The following MAGI2 variants were observed in gnomAD, a reference collection of about 807,000 sequenced individuals.
MAGI2 encodes the protein membrane-associated guanylate kinase, WW and PDZ domain-containing protein 2.
Under a neutral mutation model 133.3 loss-of-function variants are expected in MAGI2, and 35 were observed. That is an observed-to-expected ratio of 0.26 (90% CI 0.20 to 0.35). The LOEUF is 0.35. MAGI2 is among the 10% of genes least tolerant of loss of function. The pLI, the probability that MAGI2 is intolerant of heterozygous loss-of-function variation, is 1.00. For synonymous variants in MAGI2, 729 were observed against 710.6 expected, an observed-to-expected ratio of 1.03 and a Z score of -0.41; for missense variants, 1,636 against 1,863.4, an observed-to-expected ratio of 0.88 and a Z score of 2.25.
At chr7:79,027,761 C>T (rs1033196152) in intron 1 of MAGI2, among the ~76,000 whole-genome samples, 15 of 151,914 alleles carry the variant, frequency 9.9e-5, no homozygotes, top group African/African-American at 3.6e-4. Flanking sequence ...ATTAATAAAT[C>T]ATAGCATCAT....
At chr7:79,108,507 G>C (rs1266328365) in intron 1 of MAGI2, among the ~76,000 whole-genome samples, 1 of 152,166 alleles carries the variant, frequency 6.6e-6, no homozygotes, top group East Asian at 1.9e-4. Context: ...TAATAGTTTT[G>C]CCAGTTTGAT....
chr7:79,130,234 T>A (rs1820809940), intron 1 of MAGI2, among the ~76,000 whole-genome samples: 1 of 151,820 alleles, frequency 6.6e-6, no homozygotes, highest in Admixed American at 6.6e-5. Flanking sequence ...GGCGGGAGTG[T>A]AACTTGAGCC....
intron 10 of MAGI2, among the ~76,000 whole-genome samples, chr7:78,234,354 C>T (rs867064031): frequency 3.3e-5 from 5 of 152,008 alleles, no homozygotes; most frequent in African/African-American, 9.7e-5. Flanking sequence ...CCTGGAAATA[C>T]AAAACTGATT....
At chr7:79,417,754 A>C (rs920640588) in intron 1 of MAGI2, among the ~76,000 whole-genome samples, 1 of 150,432 alleles carries the variant, frequency 6.6e-6, no homozygotes, top group African/African-American at 2.5e-5. Flanking sequence ...TATGCACAAA[A>C]AAAAAAAATA....
intron 5 of MAGI2, among the ~76,000 whole-genome samples, chr7:78,498,665 C>T (rs974345852): frequency 5.9e-5 from 9 of 152,058 alleles, no homozygotes; most frequent in Non-Finnish European, 4.4e-5. Flanking sequence ...ATCCACTGCC[C>T]GCTCTGTGAT....
chr7:78,478,480 T>C (rs1792011204), intron 6 of MAGI2, among the ~76,000 whole-genome samples: 1 of 151,902 alleles, frequency 6.6e-6, no homozygotes, highest in Non-Finnish European at 1.5e-5. Context: ...AAAATAATTA[T>C]CTGAAAAATG....
At chr7:79,014,467 CA>C (rs1808488268) in intron 1 of MAGI2, among the ~76,000 whole-genome samples, 1 of 152,094 alleles carries the variant, frequency 6.6e-6, no homozygotes, top group Non-Finnish European at 1.5e-5. Flanking sequence ...ATGGCTAATA[CA>C]GTCTAATAAG....
At chr7:78,090,703 A>C (rs987410908) in intron 20 of MAGI2, among the ~76,000 whole-genome samples, 24 of 152,262 alleles carry the variant, frequency 1.6e-4, no homozygotes, top group Non-Finnish European at 1.9e-4. Context: ...AGGCAAAAAA[A>C]ATGTATTGAG....
At chr7:78,481,403 T>C (rs919586531) in intron 6 of MAGI2, among the ~76,000 whole-genome samples, 1 of 151,946 alleles carries the variant, frequency 6.6e-6, no homozygotes, top group Non-Finnish European at 1.5e-5. Flanking sequence ...TGGGGCAAAC[T>C]GCCCCATAAT....
chr7:78,763,981 G>C (rs1824766069), intron 2 of MAGI2, among the ~76,000 whole-genome samples: 1 of 152,090 alleles, frequency 6.6e-6, no homozygotes, highest in Non-Finnish European at 1.5e-5. Context: ...CCAGACACAG[G>C]GCTGAAACAG....
intron 6 of MAGI2, among the ~76,000 whole-genome samples, chr7:78,449,357 T>C (rs1045115573): frequency 6.6e-6 from 1 of 152,100 alleles, no homozygotes; most frequent in African/African-American, 2.4e-5. Flanking sequence ...ACTTAATATT[T>C]TCTTTGAATT....
intron 1 of MAGI2, among the ~76,000 whole-genome samples, chr7:79,323,383 T>C (rs1020569514): frequency 6.6e-6 from 1 of 152,148 alleles, no homozygotes; most frequent in Non-Finnish European, 1.5e-5. Context: ...AATTTGAGAC[T>C]TCAGGAGCAA....
At chr7:78,573,363 G>GA (rs1468183149) in intron 3 of MAGI2, among the ~76,000 whole-genome samples, 1 of 23,602 alleles carries the variant, frequency 4.2e-5, no homozygotes, top group Non-Finnish European at 6.1e-5. Context: ...GAGAATCCTG[G>GA]AAATATATAT....
At chr7:79,180,749 C>T (rs1412402709) in intron 1 of MAGI2, among the ~76,000 whole-genome samples, 1 of 151,982 alleles carries the variant, frequency 6.6e-6, no homozygotes. Context: ...AAAGTCTTAT[C>T]TGAGAAAAGG....
intron 1 of MAGI2, among the ~76,000 whole-genome samples, chr7:79,382,976 C>A (rs1027212217): frequency 1.1e-4 from 16 of 151,524 alleles, no homozygotes; most frequent in Non-Finnish European, 2.2e-4. Context: ...AAAATAAGTT[C>A]TCAATTGTTT....
intron 3 of MAGI2, among the ~76,000 whole-genome samples, chr7:78,532,981 G>C (rs937521505): frequency 2.0e-5 from 3 of 148,196 alleles, no homozygotes; most frequent in African/African-American, 7.5e-5. Flanking sequence ...TTGCTCTGTT[G>C]CCCAGGCTGG....
intron 1 of MAGI2, among the ~76,000 whole-genome samples, chr7:79,255,533 A>G (rs924264146): frequency 6.6e-6 from 1 of 152,230 alleles, no homozygotes; most frequent in Non-Finnish European, 1.5e-5. Flanking sequence ...AATGATTTAG[A>G]GAAAGAAACT....
chr7:79,424,516 A>G (rs960592457), intron 1 of MAGI2, among the ~76,000 whole-genome samples: 4 of 152,124 alleles, frequency 2.6e-5, no homozygotes, highest in African/African-American at 4.8e-5. Context: ...TATTGACAAT[A>G]TATTATATGA....
chr7:79,254,072 A>C (rs1833515649), intron 1 of MAGI2, among the ~76,000 whole-genome samples: 1 of 152,004 alleles, frequency 6.6e-6, no homozygotes, highest in Admixed American at 6.6e-5. Flanking sequence ...TCTATTAAAC[A>C]TTTCATTTTT....
Sources: gnomAD v4.1 joint callset for allele counts (sites outside exome capture counted in the v4.1 genomes callset) on GRCh38, gnomAD v4.1.1 for gene constraint, MANE v1.5 for transcripts, NCBI Gene and HGNC (gene_info 2026-07-23, HGNC 2026-07-21) for gene names.